The following NFIA variants were observed in gnomAD, a reference collection of about 807,000 sequenced individuals.
NFIA encodes nuclear factor 1 A-type.
Under a neutral mutation model 62.8 loss-of-function variants are expected in NFIA, and 8 were observed. That is an observed-to-expected ratio of 0.13 (90% CI 0.07 to 0.23). The LOEUF is 0.23. Ranked by LOEUF, NFIA falls within the 10% of genes least tolerant of loss-of-function variation. The pLI is 1.00. For missense variants in NFIA, 410 were observed against 642.1 expected (o/e 0.64, Z 3.91); for synonymous variants, 235 against 238.1 (o/e 0.99, Z 0.12).
chr1:61,151,197 T>C (rs1376994041), intron 2 of NFIA, among the ~76,000 whole-genome samples: 1 of 151,902 alleles, frequency 6.6e-6, no homozygotes, highest in African/African-American at 2.4e-5. Context: ...TTTTGCAGTT[T>C]TTGTTGTTGT....
intron 3 of NFIA, among the ~76,000 whole-genome samples, chr1:61,287,261 G>C (rs1395539909): frequency 2.0e-5 from 3 of 152,178 alleles, no homozygotes; most frequent in African/African-American, 7.2e-5. Flanking sequence ...GTTAAGGAAT[G>C]AGACTCTGAT....
At chr1:61,371,167 T>G (rs1663865512) in intron 6 of NFIA, among the ~76,000 whole-genome samples, 1 of 152,170 alleles carries the variant, frequency 6.6e-6, no homozygotes, top group Non-Finnish European at 1.5e-5. Context: ...CTTAACACTC[T>G]TTAGGGACTT....
chr1:61,212,857 C>G (rs139260776), intron 2 of NFIA, among the ~76,000 whole-genome samples: 2 of 152,300 alleles, frequency 1.3e-5, no homozygotes, highest in African/African-American at 2.4e-5. Flanking sequence ...GTAGACCATA[C>G]TTATTTTCAA....
At chr1:61,380,237 T>C (rs930237007) in intron 6 of NFIA, among the ~76,000 whole-genome samples, 4 of 152,186 alleles carry the variant, frequency 2.6e-5, no homozygotes, top group Admixed American at 6.5e-5. Context: ...TGCTTCTCAT[T>C]CTACAAAAGT....
rs1668590598 is a variant in NFIA, at chr1:61,462,646, T to G, written c.*7326T>G. The G allele has an allele frequency of 6.6e-6, 1 of 152,160 alleles. No individual in the cohort carries two copies. Among genetic ancestry groups the G allele is most frequent in the Admixed American group, 6.5e-5 (1 of 15,274 alleles). 9.4% of individuals were successfully genotyped at this position (152,160 alleles called of 1,614,324 possible). A position where few individuals can be genotyped will look rare whatever the true frequency, so the allele number is the denominator to read the frequency against. On this transcript the variant is annotated 3_prime_UTR_variant, in exon 11 of 11. Transcript: ENST00000403491. ...TCTTATTCAACTAAATCTCCACAGG[T>G]TTTTTGAGCTGGTGTGGATTAGTTT...
intron 2 of NFIA, among the ~76,000 whole-genome samples, chr1:61,113,554 A>G (rs1420139344): frequency 1.4e-5 from 2 of 138,376 alleles, no homozygotes; most frequent in Non-Finnish European, 3.1e-5. Context: ...AGAGTGCACC[A>G]TTGCACTCCA....
intron 2 of NFIA, among the ~76,000 whole-genome samples, chr1:61,197,176 A>G (rs1652077230): frequency 1.3e-5 from 2 of 151,714 alleles, no homozygotes; most frequent in Admixed American, 1.3e-4. Flanking sequence ...CTAGAAACTC[A>G]GATTTCCCAC....
intron 2 of NFIA, among the ~76,000 whole-genome samples, chr1:61,105,016 C>T (rs1461345813): frequency 6.6e-6 from 1 of 151,844 alleles, no homozygotes; most frequent in African/African-American, 2.4e-5. Context: ...AATAGTGTAC[C>T]AGTGCAAACT....
At chr1:61,291,197 C>G (rs138846878) in intron 3 of NFIA, among the ~76,000 whole-genome samples, 1 of 152,224 alleles carries the variant, frequency 6.6e-6, no homozygotes, top group African/African-American at 2.4e-5. Flanking sequence ...CAGGTGCTGC[C>G]CGTCATCTCC....
chr1:61,323,907 C>T (rs537739023), intron 3 of NFIA, among the ~76,000 whole-genome samples: 3 of 152,250 alleles, frequency 2.0e-5, no homozygotes, highest in Admixed American at 6.5e-5. Flanking sequence ...CTCCCCTCCC[C>T]GGTTTGTTGT....
chr1:61,191,828 T>C (rs1651647521), intron 2 of NFIA, among the ~76,000 whole-genome samples: 1 of 147,914 alleles, frequency 6.8e-6, no homozygotes, highest in Non-Finnish European at 1.5e-5. Context: ...TTCTAGATGC[T>C]AAGTAACTCT....
intron 5 of NFIA, among the ~76,000 whole-genome samples, chr1:61,356,966 A>G (rs544656070): frequency 2.6e-5 from 4 of 152,294 alleles, no homozygotes; most frequent in South Asian, 2.1e-4. Context: ...TTCTAAATCT[A>G]TCATCTGCAC....
chr1:61,443,915 A>T (rs72915772), intron 10 of NFIA, among the ~76,000 whole-genome samples: 4,774 of 152,062 alleles, frequency 0.031, 88 homozygotes, highest in African/African-American at 0.05. Flanking sequence ...GCATCTGAGA[A>T]CCCCTTCAAC....
chr1:61,368,749 AG>A (rs763199771), intron 6 of NFIA, among the ~76,000 whole-genome samples: 1 of 152,212 alleles, frequency 6.6e-6, no homozygotes, highest in Non-Finnish European at 1.5e-5. Context: ...TATCCTTTTT[AG>A]GGGGTAAATA....
intron 1 of NFIA, among the ~76,000 whole-genome samples, chr1:61,083,762 C>T (rs1406506319): frequency 6.6e-6 from 1 of 151,320 alleles, no homozygotes; most frequent in Non-Finnish European, 1.5e-5. Flanking sequence ...CTCCCCCCGC[C>T]GCCGCCGCCG....
intron 2 of NFIA, among the ~76,000 whole-genome samples, chr1:61,255,321 G>A (rs763528057): frequency 1.3e-5 from 2 of 152,156 alleles, no homozygotes; most frequent in Non-Finnish European, 2.9e-5. Context: ...TGAAAGGAAG[G>A]CTCAGTGTTC....
At chr1:61,271,191 T>C (rs1657483442) in intron 2 of NFIA, among the ~76,000 whole-genome samples, 1 of 152,196 alleles carries the variant, frequency 6.6e-6, no homozygotes, top group South Asian at 2.1e-4. Flanking sequence ...ACAACAATAG[T>C]TATGCCATTT....
At chr1:61,141,947 C>CT (rs1647566820) in intron 2 of NFIA, among the ~76,000 whole-genome samples, 1 of 152,218 alleles carries the variant, frequency 6.6e-6, no homozygotes, top group African/African-American at 2.4e-5. Flanking sequence ...TGCGGCCATT[C>CT]TACTTACAGG....
rs186690450 is a variant in NFIA, at chr1:61,383,057, G to A, written c.947-180G>A. ...ATCAAATACAGACCGACTTATCAGG[G>A]GACTATTCTGTCACCTCTTTGTTTC... On this transcript the variant is annotated intron_variant, in intron 6 of 10. Coordinates refer to ENST00000403491, the MANE Select transcript of NFIA (RefSeq NM_001134673.4). Among the ~76,000 whole-genome samples, 629 of 152,156 alleles carry A rather than the reference G, an allele frequency of 4.1e-3. 6 individuals are homozygous for A. The highest frequency in any genetic ancestry group is 0.014 in the African/African-American group (579 of 41,496).
Sources: gnomAD v4.1 joint callset for allele counts (sites outside exome capture counted in the v4.1 genomes callset) on GRCh38, gnomAD v4.1.1 for gene constraint, MANE v1.5 for transcripts, NCBI Gene and HGNC (gene_info 2026-07-23, HGNC 2026-07-21) for gene names.